GABRA3: variants seen among roughly 807,000 people sequenced by gnomAD.
GABRA3 encodes the protein gamma-aminobutyric acid type A receptor subunit alpha3, also known as gamma-aminobutyric acid receptor subunit alpha-3.
GABRA3 carries 10 observed loss-of-function variants against 30.1 expected under a neutral mutation model. The ratio of observed to expected loss-of-function variants is 0.33; its 90% CI spans 0.20 to 0.56. The LOEUF (loss-of-function observed/expected upper bound fraction) is 0.56, where lower values mean the gene tolerates loss of function less well. Among genes scored for constraint, GABRA3 ranks in the 20% least tolerant of loss-of-function variants. The probability of loss-of-function intolerance (pLI) is 0.89; values close to 1 mark genes in which losing one functional copy is unlikely to be tolerated. For missense variants in GABRA3, 233 were observed against 392.0 expected (o/e 0.59, Z 3.42); for synonymous variants, 151 against 146.8 (o/e 1.03, Z -0.21).
At chrX:152,352,113 G>A (rs554087725) in intron 2 of GABRA3, among the ~76,000 whole-genome samples, 45 of 110,558 alleles carry the variant, frequency 4.1e-4, no homozygotes, top group Non-Finnish European at 4.9e-4. Context: ...ACCAAAATGC[G>A]GCACAGAGAC....
At chrX:152,283,639 T>C (rs1329505368) in intron 4 of GABRA3, among the ~76,000 whole-genome samples, 1 of 111,695 alleles carries the variant, frequency 9.0e-6, no homozygotes, top group Non-Finnish European at 1.9e-5. Context: ...ATTTTTACTG[T>C]CCTAACAAAA....
chrX:152,381,417 C>T (rs1929140829), intron 1 of GABRA3, among the ~76,000 whole-genome samples: 1 of 111,413 alleles, frequency 9.0e-6, no homozygotes, highest in Admixed American at 9.6e-5. Context: ...TGTTTTCTTG[C>T]TATTGAGTTG....
At chrX:152,182,290 C>T in intron 9 of GABRA3, among the ~76,000 whole-genome samples, 1 of 96,172 alleles carries the variant, frequency 1.0e-5, no homozygotes. Flanking sequence ...ACAGCCATTG[C>T]CTGACGTGTT....
chrX:152,293,915 G>A (rs1039616651), intron 3 of GABRA3, among the ~76,000 whole-genome samples: 1 of 111,381 alleles, frequency 9.0e-6, no homozygotes, highest in Non-Finnish European at 1.9e-5. Flanking sequence ...TGACATTCTG[G>A]GTTGAAAATT....
intron 3 of GABRA3, among the ~76,000 whole-genome samples, chrX:152,286,890 T>C (rs1939306832): frequency 8.9e-6 from 1 of 112,109 alleles, no homozygotes; most frequent in South Asian, 3.7e-4. Flanking sequence ...TTTAAATAGC[T>C]GGGCTCTCAT....
chrX:152,360,711 T>TAAAAAAAAAAAAA (rs1928462637), intron 2 of GABRA3, among the ~76,000 whole-genome samples: 4 of 42,573 alleles, frequency 9.4e-5, no homozygotes, highest in East Asian at 6.4e-4. Context: ...AAAAAAAAAA[T>TAAAAAAAAAAAAA]TAAAAAAAAA....
chrX:152,279,408 A>G (rs946600484), intron 4 of GABRA3, among the ~76,000 whole-genome samples: 1 of 111,537 alleles, frequency 9.0e-6, no homozygotes, highest in Non-Finnish European at 1.9e-5. Context: ...TTTGTCAAAG[A>G]TCAGATAGTT....
At chrX:152,253,820 T>C (rs1264004442) in intron 5 of GABRA3, among the ~76,000 whole-genome samples, 3 of 111,534 alleles carry the variant, frequency 2.7e-5, no homozygotes, top group African/African-American at 9.8e-5. Context: ...CTCTTCCTTC[T>C]GCCTCTACCT....
intron 3 of GABRA3, among the ~76,000 whole-genome samples, chrX:152,307,705 T>C (rs990692634): frequency 1.8e-5 from 2 of 111,137 alleles, no homozygotes; most frequent in African/African-American, 6.5e-5. Flanking sequence ...AGGAGGAAGC[T>C]AGGAACCCTG....
chrX:152,349,339 C>T (rs903634020), intron 2 of GABRA3, among the ~76,000 whole-genome samples: 36 of 110,477 alleles, frequency 3.3e-4, no homozygotes, highest in Non-Finnish European at 6.1e-4. Context: ...CGGTACCAGC[C>T]GCTGCAAAAT....
At chrX:152,319,655 A>C (rs905509152) in intron 3 of GABRA3, among the ~76,000 whole-genome samples, 1 of 111,800 alleles carries the variant, frequency 8.9e-6, no homozygotes, top group African/African-American at 3.2e-5. Context: ...AAAACCTCAG[A>C]CATTGGCTTA....
chrX:152,318,905 G>T (rs1237442138), intron 3 of GABRA3, among the ~76,000 whole-genome samples: 1 of 111,312 alleles, frequency 9.0e-6, no homozygotes, highest in East Asian at 2.8e-4. Context: ...AAAGTTGAAA[G>T]CATTCCCTCT....
intron 3 of GABRA3, among the ~76,000 whole-genome samples, chrX:152,290,372 C>T (rs1284994863): frequency 2.7e-5 from 3 of 111,415 alleles, no homozygotes; most frequent in Admixed American, 9.5e-5. Context: ...TTGTTTTTTT[C>T]TTGTAAATTT....
At chrX:152,322,182 A>T (rs941679694) in intron 3 of GABRA3, among the ~76,000 whole-genome samples, 2 of 112,560 alleles carry the variant, frequency 1.8e-5, no homozygotes, top group African/African-American at 3.2e-5. Flanking sequence ...TGATACATGT[A>T]CTGATACATG....
intron 5 of GABRA3, among the ~76,000 whole-genome samples, chrX:152,239,674 G>T (rs1179631807): frequency 1.1e-5 from 1 of 92,712 alleles, no homozygotes; most frequent in Non-Finnish European, 2.1e-5. Flanking sequence ...GAATCTGGGT[G>T]CTCCTGTATT....
Position 152,236,934 on chromosome X carries a change from A to C in GABRA3, c.552-12089T>G, listed in dbSNP as rs1330019551. Among the ~76,000 whole-genome samples the C allele has an allele frequency of 8.2e-3, 857 of 104,485 alleles. 10 individuals are homozygous for C. Among genetic ancestry groups the C allele is most frequent in the African/African-American group, 0.027 (751 of 28,093 alleles). 90.7% of individuals were successfully genotyped at this position (104,485 alleles called of 115,157 possible). On this transcript the variant is annotated intron_variant, in intron 5 of 9. Coordinates refer to ENST00000370314, the MANE Select transcript of GABRA3 (RefSeq NM_000808.4). Reference sequence around the variant, plus strand: ...GAGTAGGTTGCGAAAATTTTCTCCCATTTTGTAGGTTGCCTGTTCACTCTG... The same window carrying C: ...GAGTAGGTTGCGAAAATTTTCTCCCCTTTTGTAGGTTGCCTGTTCACTCTG...
intron 3 of GABRA3, among the ~76,000 whole-genome samples, chrX:152,320,774 T>A (rs1001272476): frequency 9.0e-6 from 1 of 111,525 alleles, no homozygotes; most frequent in Non-Finnish European, 1.9e-5. Flanking sequence ...GGTATACAAA[T>A]GGAAGGATAT....
intron 3 of GABRA3, among the ~76,000 whole-genome samples, chrX:152,323,296 A>AT: frequency 9.0e-6 from 1 of 111,182 alleles, no homozygotes; most frequent in Non-Finnish European, 1.9e-5. Flanking sequence ...TCTTACTTTT[A>AT]TTTTTTACTT....
rs757222303 is a variant in GABRA3 at position 152,419,110 on chromosome X, G to A, written c.-27+32036C>T. On this transcript the variant is annotated intron_variant, in intron 1 of 9. Transcript: ENST00000370314. ...GAACAATGAGAACACATGGACACAG[G>A]AAGGGGAACATCACACACCGGGGTC... Among the ~76,000 whole-genome samples the A allele has an allele frequency of 5.5e-5, 6 of 109,448 alleles. No homozygotes were observed. In the South Asian group the frequency reaches 2.4e-3, roughly 44 times the overall value.
Sources: gnomAD v4.1 joint callset for allele counts (sites outside exome capture counted in the v4.1 genomes callset) on GRCh38, gnomAD v4.1.1 for gene constraint, MANE v1.5 for transcripts, NCBI Gene and HGNC (gene_info 2026-07-23, HGNC 2026-07-21) for gene names.